Variants in SLC20A2 observed in about 807,000 individuals in gnomAD.
SLC20A2 encodes sodium-dependent phosphate transporter 2.
SLC20A2 carries 30 observed loss-of-function variants against 61.0 expected under a neutral mutation model. The ratio of observed to expected loss-of-function variants is 0.49; its 90% CI spans 0.37 to 0.67. The LOEUF (loss-of-function observed/expected upper bound fraction) is 0.67, where lower values mean the gene tolerates loss of function less well. SLC20A2 is among the 30% of genes least tolerant of loss of function. The probability of loss-of-function intolerance (pLI) is 0.00; values close to 1 mark genes in which losing one functional copy is unlikely to be tolerated. For synonymous variants in SLC20A2, 351 were observed against 353.3 expected (o/e 0.99, Z 0.07); for missense variants, 626 against 866.4 (o/e 0.72, Z 3.48).
chr8:42,534,687 T>C (rs900857285), intron 1 of SLC20A2: 1 of 152,208 alleles, frequency 6.6e-6, no homozygotes, highest in African/African-American at 2.4e-5. Flanking sequence ...AACGTAGGCA[T>C]ATACAGAGGC....
chr8:42,471,563 C>A (rs112516089), intron 2 of SLC20A2, among the ~76,000 whole-genome samples: 2 of 152,122 alleles, frequency 1.3e-5, no homozygotes, highest in African/African-American at 4.8e-5. Context: ...ATGTAAGAGA[C>A]CAGAATTTCT....
intron 1 of SLC20A2, among the ~76,000 whole-genome samples, chr8:42,522,621 C>T (rs1055263639): frequency 0.022 from 2,700 of 120,110 alleles, 374 homozygotes; most frequent in African/African-American, 0.064. Flanking sequence ...GCGGAGGTTG[C>T]AGTGAGCTGA....
At position 42,463,226 on chromosome 8, in the gene SLC20A2, GA is replaced by G. The variant is rs1806852136; in HGVS notation, c.431-137del. The G allele has an allele frequency of 7.0e-6, 4 of 570,978 alleles. No homozygotes were observed. In the South Asian group the frequency reaches 1.1e-4, roughly 15 times the overall value. The allele number at this position is 570,978 out of a possible 1,614,324, so 35.4% of individuals were successfully genotyped here. A position where few individuals can be genotyped will look rare whatever the true frequency, so the allele number is the denominator to read the frequency against. Reference sequence around the variant, plus strand: ...TCCAGAATTATTTACCTTTAATTCAGAACCTAACAAGCCCTGTGACTTGGCA... The same window carrying G: ...TCCAGAATTATTTACCTTTAATTCAGACCTAACAAGCCCTGTGACTTGGCA... On this transcript the variant is annotated intron_variant, in intron 3 of 10. Coordinates refer to ENST00000520262, the MANE Select transcript of SLC20A2 (RefSeq NM_001257180.2).
At chr8:42,443,264 G>GTTTTTTAT (rs1187147221) in intron 6 of SLC20A2, among the ~76,000 whole-genome samples, 4 of 105,480 alleles carry the variant, frequency 3.8e-5, no homozygotes, top group African/African-American at 1.4e-4. Flanking sequence ...ATTATTATAG[G>GTTTTTTAT]ATATATATAT....
intron 5 of SLC20A2, among the ~76,000 whole-genome samples, chr8:42,452,822 T>C (rs906856601): frequency 4.0e-4 from 61 of 151,962 alleles, no homozygotes; most frequent in African/African-American, 1.4e-3. Flanking sequence ...CCTGGTTAAG[T>C]TGGGAATTCC....
At chr8:42,470,640 T>C (rs1307404646) in intron 2 of SLC20A2, among the ~76,000 whole-genome samples, 1 of 152,198 alleles carries the variant, frequency 6.6e-6, no homozygotes, top group Non-Finnish European at 1.5e-5. Context: ...GATTGGGCCA[T>C]TGTGAACTTG....
chr8:42,533,654 C>CTTTTTTTTT (rs1162369065), intron 1 of SLC20A2, among the ~76,000 whole-genome samples: 17 of 55,306 alleles, frequency 3.1e-4, no homozygotes, highest in African/African-American at 8.9e-4. Flanking sequence ...ATCAACTGTT[C>CTTTTTTTTT]TTTTTTTTTT....
At chr8:42,489,567 C>A (rs771522980) in intron 1 of SLC20A2, among the ~76,000 whole-genome samples, 7 of 152,148 alleles carry the variant, frequency 4.6e-5, no homozygotes, top group African/African-American at 7.2e-5. Context: ...TTCCCAGAGG[C>A]CTGCAGCTGT....
At chr8:42,533,779 C>T (rs1812527034) in intron 1 of SLC20A2, among the ~76,000 whole-genome samples, 1 of 150,230 alleles carries the variant, frequency 6.7e-6, no homozygotes, top group Non-Finnish European at 1.5e-5. Flanking sequence ...CCTGCCTCAG[C>T]CTCCTGACTA....
intron 10 of SLC20A2, 85 bp downstream of exon 10, chr8:42,428,673 C>A (rs1441915905): frequency 2.5e-6 from 3 of 1,189,522 alleles, no homozygotes; most frequent in Non-Finnish European, 3.6e-6. Context: ...TCTACAGAGC[C>A]CTACAGCTTC....
chr8:42,416,708 T>G lies in SLC20A2; in HGVS notation c.*1095A>C, dbSNP rs935146162. 4 of 152,610 alleles carry G rather than the reference T, an allele frequency of 2.6e-5. No homozygotes were observed. The highest frequency in any genetic ancestry group is 9.7e-5 in the African/African-American group (4 of 41,438). The allele number at this position is 152,610 out of a possible 1,614,324, so 9.5% of individuals were successfully genotyped here. On this transcript the variant is annotated 3_prime_UTR_variant, in exon 11 of 11. Coordinates refer to ENST00000520262, the MANE Select transcript of SLC20A2 (RefSeq NM_001257180.2). Reference sequence around the variant, plus strand: ...GTGTGGGCCTCAGAGAAATACTCCATCCAGCATCCAGGATTCTCCCTCCCT... The same window carrying G: ...GTGTGGGCCTCAGAGAAATACTCCAGCCAGCATCCAGGATTCTCCCTCCCT...
At chr8:42,499,368 C>G (rs1028240820) in intron 1 of SLC20A2, among the ~76,000 whole-genome samples, 5 of 152,180 alleles carry the variant, frequency 3.3e-5, no homozygotes, top group Admixed American at 2.6e-4. Flanking sequence ...AATTCCGGCA[C>G]TAACACTTAT....
At chr8:42,430,007 T>C (rs950540834) in intron 9 of SLC20A2, 57 bp downstream of exon 9, 7 of 1,476,372 alleles carry the variant, frequency 4.7e-6, no homozygotes, top group Non-Finnish European at 6.4e-6. Context: ...GCCGGGAAGC[T>C]CTACCCAGGC....
At chr8:42,532,768 CG>C (rs1812418511) in intron 1 of SLC20A2, among the ~76,000 whole-genome samples, 1 of 152,034 alleles carries the variant, frequency 6.6e-6, no homozygotes, top group Non-Finnish European at 1.5e-5. Flanking sequence ...GAGACCAAGG[CG>C]GTGGAGAAGA....
intron 1 of SLC20A2, chr8:42,538,057 A>G (rs951734875): frequency 6.6e-6 from 1 of 152,130 alleles, no homozygotes; most frequent in Non-Finnish European, 1.5e-5. Context: ...TAAGCACGAC[A>G]TAAGTATTAA....
At chr8:42,454,874 T>A (rs1418215210) in intron 5 of SLC20A2, among the ~76,000 whole-genome samples, 1 of 151,986 alleles carries the variant, frequency 6.6e-6, no homozygotes, top group Non-Finnish European at 1.5e-5. Context: ...CCAGCCCAGA[T>A]TTTTTATATT....
chr8:42,425,504 A>G (rs1041579376), intron 10 of SLC20A2, among the ~76,000 whole-genome samples: 1 of 152,182 alleles, frequency 6.6e-6, no homozygotes, highest in Non-Finnish European at 1.5e-5. Context: ...CTCTGATGAG[A>G]GCCATCTGCT....
intron 1 of SLC20A2, among the ~76,000 whole-genome samples, chr8:42,525,323 T>G (rs1480193358): frequency 6.6e-6 from 1 of 152,176 alleles, no homozygotes; most frequent in Non-Finnish European, 1.5e-5. Flanking sequence ...GGCTCACCCC[T>G]GTAATCCCAG....
chr8:42,511,883 C>CA (rs558886254), intron 1 of SLC20A2, among the ~76,000 whole-genome samples: 178 of 151,792 alleles, frequency 1.2e-3, no homozygotes, highest in African/African-American at 2.3e-3. Context: ...AAAACCCCAC[C>CA]AAAAAAACCA....
Sources: allele counts gnomAD v4.1 joint callset (sites outside exome capture counted in the v4.1 genomes callset), GRCh38; gene constraint gnomAD v4.1.1; transcripts MANE v1.5; gene names NCBI Gene and HGNC (gene_info 2026-07-23, HGNC 2026-07-21).